Variants in MANBA observed in about 807,000 individuals in gnomAD.
The protein encoded by MANBA is beta-mannosidase.
MANBA carries 83 observed loss-of-function variants against 111.1 expected under a neutral mutation model. That is an observed-to-expected ratio of 0.75 (90% CI 0.63 to 0.90). The LOEUF is 0.90. Ranked by LOEUF, MANBA falls within the 40% of genes least tolerant of loss-of-function variation. The pLI, the probability that MANBA is intolerant of heterozygous loss-of-function variation, is 0.00. For missense variants in MANBA, 1,036 were observed against 1,069.0 expected, an observed-to-expected ratio of 0.97 and a Z score of 0.43; for synonymous variants, 370 against 378.7, an observed-to-expected ratio of 0.98 and a Z score of 0.27.
At chr4:102,734,832 G>A (rs1164674430) in intron 1 of MANBA, among the ~76,000 whole-genome samples, 1 of 152,170 alleles carries the variant, frequency 6.6e-6, no homozygotes, top group Non-Finnish European at 1.5e-5. Context: ...ATGGTTTAGA[G>A]TCAAGGGGAC....
At chr4:102,664,021 G>T (rs1460440768) in intron 11 of MANBA, among the ~76,000 whole-genome samples, 1 of 152,150 alleles carries the variant, frequency 6.6e-6, no homozygotes. Flanking sequence ...ATATACCAAA[G>T]TCTACTACTT....
At chr4:102,751,821 G>T in intron 1 of MANBA, 1 of 509,208 alleles carries the variant, frequency 2.0e-6, no homozygotes, top group South Asian at 1.5e-5. Flanking sequence ...ACATAGGGAT[G>T]TCTTAAAAGA....
At chr4:102,701,345 T>C (rs1733030999) in intron 5 of MANBA, among the ~76,000 whole-genome samples, 1 of 151,726 alleles carries the variant, frequency 6.6e-6, no homozygotes, top group Non-Finnish European at 1.5e-5. Flanking sequence ...AATTGGAGCA[T>C]TTAGTCCATT....
At chr4:102,681,740 A>G (rs72940768) in intron 7 of MANBA, among the ~76,000 whole-genome samples, 6,654 of 152,294 alleles carry the variant, frequency 0.044, 474 homozygotes, top group African/African-American at 0.15. Flanking sequence ...AGGGAATGGA[A>G]GCACAAACTG....
chr4:102,756,405 A>G (rs1724018087), intron 1 of MANBA, among the ~76,000 whole-genome samples: 1 of 152,160 alleles, frequency 6.6e-6, no homozygotes, highest in Admixed American at 6.5e-5. Context: ...GCTCTCATTC[A>G]TAGTGGGAAT....
At chr4:102,702,222 A>G (rs1733087727) in intron 5 of MANBA, among the ~76,000 whole-genome samples, 1 of 151,464 alleles carries the variant, frequency 6.6e-6, no homozygotes, top group African/African-American at 2.4e-5. Context: ...AGCTCCTTTA[A>G]GCACTTCTCT....
At chr4:102,720,787 T>C (rs977464481) in intron 4 of MANBA, among the ~76,000 whole-genome samples, 9 of 152,168 alleles carry the variant, frequency 5.9e-5, no homozygotes, top group African/African-American at 1.2e-4. Flanking sequence ...AGGCTGTTAT[T>C]ACAGTAATTT....
At chr4:102,679,061 C>T (rs914039630) in intron 7 of MANBA, among the ~76,000 whole-genome samples, 2 of 152,198 alleles carry the variant, frequency 1.3e-5, no homozygotes, top group African/African-American at 4.8e-5. Flanking sequence ...CAACCAAACA[C>T]TGCATTTCTG....
rs34188354 is a variant in MANBA at position 102,689,378 on chromosome 4, ATGTG to A, written c.960+192_960+195del. Reference sequence around the variant, plus strand: ...AAAAAAAATATATATATATATATATATGTGTGTGTGTATATATATGTATGTATAT... The same window carrying A: ...AAAAAAAATATATATATATATATATATGTGTGTATATATATGTATGTATAT... On this transcript the variant is annotated intron_variant, in intron 7 of 16. Transcript: ENST00000647097. 0.56 allele frequency among the ~76,000 whole-genome samples: 78,039 copies of A among 139,398 alleles called. 22,713 individuals are homozygous for A. The highest frequency in any genetic ancestry group is 0.76 in the South Asian group (3,398 of 4,450). 91.5% of individuals were successfully genotyped at this position (139,398 alleles called of 152,430 possible). A position where few individuals can be genotyped will look rare whatever the true frequency, so the allele number is the denominator to read the frequency against.
At chr4:102,703,622 G>A (rs9991705) in intron 5 of MANBA, among the ~76,000 whole-genome samples, 4,228 of 152,236 alleles carry the variant, frequency 0.028, 137 homozygotes, top group African/African-American at 0.078. Context: ...TGCAGACCCT[G>A]CACTGGATGG....
At position 102,653,220 on chromosome 4, in the gene MANBA, GCACACACACACACACA is replaced by G. The variant is rs71596357; in HGVS notation, c.1705-2535_1705-2520del. Among the ~76,000 whole-genome samples the G allele has an allele frequency of 7.8e-3, 1,133 of 145,604 alleles. 12 individuals carry two copies. Among genetic ancestry groups the G allele is most frequent in the African/African-American group, 0.027 (1,046 of 39,072 alleles). ...CACACGCGCATATGCAGATCTACAT[GCACACACACACACACA>G]CACACACACACACACACACACACAC... On this transcript the variant is annotated intron_variant, in intron 12 of 16. Transcript: ENST00000647097.
intron 2 of MANBA, among the ~76,000 whole-genome samples, chr4:102,725,565 T>C (rs1206084184): frequency 2.6e-5 from 4 of 152,214 alleles, no homozygotes; most frequent in Admixed American, 6.5e-5. Flanking sequence ...ATTTGCCAAG[T>C]AAAATAGACA....
At chr4:102,748,794 T>C (rs1267224055) in intron 1 of MANBA, among the ~76,000 whole-genome samples, 2 of 152,020 alleles carry the variant, frequency 1.3e-5, no homozygotes, top group African/African-American at 4.8e-5. Context: ...GCGCCTGTAA[T>C]CCCGGCTACT....
chr4:102,633,326 G>A (rs1729471209), intron 16 of MANBA: 1 of 398,542 alleles, frequency 2.5e-6, no homozygotes. Flanking sequence ...GCCTGCCCAG[G>A]AAGCTGCCAG....
chr4:102,661,084 C>G (rs984024501), intron 11 of MANBA, among the ~76,000 whole-genome samples: 1 of 152,136 alleles, frequency 6.6e-6, no homozygotes, highest in Non-Finnish European at 1.5e-5. Context: ...CTCTTAGGCA[C>G]CAGGCACTGC....
rs1729554818 is a variant in MANBA, at chr4:102,634,967, C to A, written c.2236G>T (p.Ala746Ser). The change falls in exon 16 of 17, where the codon GCT becomes TCT. Residue 746 changes from alanine to serine, a missense_variant. Transcript: ENST00000647097. ...ACTGGCTCCTCATAAAGGCAGACAG[C>A]CTCTCCTCCTTTCATCACAAAACGT... Reference protein sequence around the residue: ...TERFVMKGGEAVCLYEEPVSE... With the variant: ...TERFVMKGGESVCLYEEPVSE... 1 of 1,614,188 alleles carries A rather than the reference C, an allele frequency of 6.2e-7. No homozygotes were observed.
chr4:102,695,375 T>G (rs1187647644), intron 5 of MANBA, among the ~76,000 whole-genome samples: 1 of 152,218 alleles, frequency 6.6e-6, no homozygotes, highest in Non-Finnish European at 1.5e-5. Context: ...ACTTCAAGTT[T>G]GTCAAAAAGT....
intron 5 of MANBA, among the ~76,000 whole-genome samples, chr4:102,698,883 A>G (rs1732871210): frequency 6.6e-6 from 1 of 151,980 alleles, no homozygotes; most frequent in South Asian, 2.1e-4. Flanking sequence ...GTTTTTTCCA[A>G]TTCTGTGAGG....
intron 14 of MANBA, 59 bp downstream of exon 14, chr4:102,639,654 G>T: frequency 8.7e-6 from 14 of 1,608,240 alleles, no homozygotes; most frequent in Non-Finnish European, 1.2e-5. Flanking sequence ...TGCTTTCTCA[G>T]TCCCTCTCCC....
Sources: gnomAD v4.1 joint callset for allele counts (sites outside exome capture counted in the v4.1 genomes callset) on GRCh38, gnomAD v4.1.1 for gene constraint, MANE v1.5 for transcripts, NCBI Gene and HGNC (gene_info 2026-07-23, HGNC 2026-07-21) for gene names.